TNFRSF10B: variants seen among roughly 807,000 people sequenced by gnomAD.
TNFRSF10B encodes the protein TNF receptor superfamily member 10b, also known as tumor necrosis factor receptor superfamily member 10B.
Under a neutral mutation model 41.4 loss-of-function variants are expected in TNFRSF10B, and 35 were observed. That is an observed-to-expected ratio of 0.85 (90% CI 0.65 to 1.12). TNFRSF10B has a LOEUF of 1.12. TNFRSF10B is among the 50% of genes most tolerant of loss of function. The probability of loss-of-function intolerance (pLI) is 0.00; values close to 1 mark genes in which losing one functional copy is unlikely to be tolerated. For missense variants in TNFRSF10B, 584 were observed against 552.7 expected, an observed-to-expected ratio of 1.06 and a Z score of -0.57; for synonymous variants, 230 against 215.5, an observed-to-expected ratio of 1.07 and a Z score of -0.59.
At chr8:23,023,399 G>A (rs944851669) in intron 8 of TNFRSF10B, among the ~76,000 whole-genome samples, 2 of 152,150 alleles carry the variant, frequency 1.3e-5, no homozygotes, top group African/African-American at 4.8e-5. Context: ...CTGCATCTGT[G>A]GAAAGCACAG....
Position 23,027,173 on chromosome 8 carries a change from C to A in TNFRSF10B, c.896G>T (p.Gly299Val), listed in dbSNP as rs769279062. The change falls in exon 7 of 9, where the codon GGT becomes GTT. Residue 299 changes from glycine to valine, a missense_variant. Transcript: ENST00000276431. ...CTCCCCGGGGGACAACATGTTGACA[C>A]CTGTTGGCTCTGCTGGCTCCTGGAC... ...MEVQEPAEPTGVNMLSPGESE... is the reference protein window; with the variant it reads ...MEVQEPAEPTVVNMLSPGESE... The A allele has an allele frequency of 6.2e-7, 1 of 1,614,214 alleles. No homozygotes were observed.
intron 1 of TNFRSF10B, among the ~76,000 whole-genome samples, chr8:23,051,222 AAAAGG>A (rs750842072): frequency 3.2e-4 from 49 of 152,244 alleles, no homozygotes; most frequent in Non-Finnish European, 6.2e-4. Context: ...AATAACAGAA[AAAAGG>A]AAAGACTAGT....
intron 1 of TNFRSF10B, among the ~76,000 whole-genome samples, chr8:23,050,131 T>A (rs1322502375): frequency 7.2e-5 from 11 of 152,250 alleles, no homozygotes; most frequent in Non-Finnish European, 1.3e-4. Context: ...TGTTTTCCCA[T>A]TTGGGCTGGT....
rs781761014 is a variant in TNFRSF10B at position 23,068,916 on chromosome 8, A to T, written c.-22T>A. The T allele has an allele frequency of 6.2e-7, 1 of 1,613,190 alleles. No homozygotes were observed. The highest frequency in any genetic ancestry group is 2.2e-5 in the East Asian group (1 of 44,874). ...CCATGGCGGTAGGGAACGCTCTTAT[A>T]GTCTCTCAGGCCCGTGGGTTTCAGC... On this transcript the variant is annotated 5_prime_UTR_variant, in exon 1 of 9. Coordinates refer to ENST00000276431, the MANE Select transcript of TNFRSF10B (RefSeq NM_003842.5).
rs765860600 is a variant in TNFRSF10B, at chr8:23,021,330, T to C, written c.*1341A>G. ...GCGGCCAAGGTCCTCAAGTAGGCAA[T>C]CTGTACCCTAAAAGGCAGCTCATGG... On this transcript the variant is annotated 3_prime_UTR_variant, in exon 9 of 9. Coordinates refer to ENST00000276431, the MANE Select transcript of TNFRSF10B (RefSeq NM_003842.5). 3 of 454,098 alleles carry C rather than the reference T, an allele frequency of 6.6e-6. No individual in the cohort carries two copies. The highest frequency in any genetic ancestry group is 4.7e-5 in the South Asian group (3 of 64,474). 28.1% of individuals were successfully genotyped at this position (454,098 alleles called of 1,614,324 possible).
chr8:23,065,315 G>A (rs1385427684), intron 1 of TNFRSF10B, among the ~76,000 whole-genome samples: 1 of 152,234 alleles, frequency 6.6e-6, no homozygotes, highest in Non-Finnish European at 1.5e-5. Context: ...CAGGGGCAGA[G>A]GACCCTGTAG....
At chr8:23,025,426 G>C (rs1187915789) in intron 7 of TNFRSF10B, among the ~76,000 whole-genome samples, 1 of 152,082 alleles carries the variant, frequency 6.6e-6, no homozygotes, top group Non-Finnish European at 1.5e-5. Flanking sequence ...GTGGGCGGGA[G>C]GGGTACTAGA....
intron 1 of TNFRSF10B, among the ~76,000 whole-genome samples, chr8:23,045,055 A>C (rs1812314692): frequency 6.9e-6 from 1 of 144,274 alleles, no homozygotes; most frequent in African/African-American, 2.6e-5. Flanking sequence ...GTCCCTAATA[A>C]AATACAAAAA....
At chr8:23,037,339 C>T (rs1301320605) in intron 2 of TNFRSF10B, among the ~76,000 whole-genome samples, 1 of 152,176 alleles carries the variant, frequency 6.6e-6, no homozygotes, top group African/African-American at 2.4e-5. Context: ...GCAGCAGAGT[C>T]CAACACTGAG....
chr8:23,049,838 C>G (rs1369620506), intron 1 of TNFRSF10B: 1 of 152,264 alleles, frequency 6.6e-6, no homozygotes, highest in Non-Finnish European at 1.5e-5. Flanking sequence ...GCGAGATTCA[C>G]CTGCATCTCA....
chr8:23,056,413 A>AG (rs756809067), intron 1 of TNFRSF10B, among the ~76,000 whole-genome samples: 5 of 152,170 alleles, frequency 3.3e-5, no homozygotes, highest in Non-Finnish European at 7.4e-5. Flanking sequence ...GCATTTTGGG[A>AG]GGCCGAGGCG....
At chr8:23,051,547 CTTTTTT>C (rs57467929) in intron 1 of TNFRSF10B, among the ~76,000 whole-genome samples, 3 of 141,240 alleles carry the variant, frequency 2.1e-5, no homozygotes, top group African/African-American at 8.3e-5. Flanking sequence ...GTAAAATACT[CTTTTTT>C]TTTTTTTTTA....
intron 1 of TNFRSF10B, among the ~76,000 whole-genome samples, chr8:23,055,519 CTT>C (rs1563322083): frequency 1.0e-5 from 1 of 97,958 alleles, no homozygotes; most frequent in African/African-American, 4.0e-5. Context: ...CTATTAAATG[CTT>C]AAAAAAAAAA....
intron 7 of TNFRSF10B, among the ~76,000 whole-genome samples, chr8:23,026,908 G>C (rs1012408587): frequency 1.1e-4 from 16 of 152,122 alleles, no homozygotes; most frequent in Non-Finnish European, 2.2e-4. Context: ...GGAGCTCCAG[G>C]CTCGGGGGAC....
intron 1 of TNFRSF10B, among the ~76,000 whole-genome samples, chr8:23,062,299 C>A (rs1240650826): frequency 6.6e-6 from 1 of 152,158 alleles, no homozygotes; most frequent in Non-Finnish European, 1.5e-5. Flanking sequence ...TGGCTCACTG[C>A]AACCTACATC....
chr8:23,044,941 T>A (rs1176025767), intron 1 of TNFRSF10B, among the ~76,000 whole-genome samples: 1 of 151,242 alleles, frequency 6.6e-6, no homozygotes, highest in Non-Finnish European at 1.5e-5. Flanking sequence ...GGAGGCCAGG[T>A]GCAGTGGCTC....
At chr8:23,026,296 A>T (rs1811700374) in intron 7 of TNFRSF10B, among the ~76,000 whole-genome samples, 1 of 152,134 alleles carries the variant, frequency 6.6e-6, no homozygotes, top group East Asian at 1.9e-4. Context: ...TTTTTTAAAA[A>T]AGAGTGAAGA....
chr8:23,068,782 A>T lies in TNFRSF10B; in HGVS notation c.113T>A (p.Leu38His), dbSNP rs1452869399. 1 of 1,605,290 alleles carries T rather than the reference A, an allele frequency of 6.2e-7. No individual in the cohort carries two copies. Among genetic ancestry groups the T allele is most frequent in the Non-Finnish European group, 8.5e-7 (1 of 1,176,328 alleles). ...ARPGPRVPKT[L>H]VLVVAAVLLL... ...CAGGACCGCGGCGACAACGAGCACA[A>T]GGGTCTTGGGGACCCGGGGCCCAGG... Residue 38 changes from leucine to histidine, a missense_variant, in exon 1 of 9, where the codon CTT becomes CAT. Coordinates refer to ENST00000276431, the MANE Select transcript of TNFRSF10B (RefSeq NM_003842.5).
At chr8:23,043,887 T>C (rs1306770931) in intron 1 of TNFRSF10B, among the ~76,000 whole-genome samples, 1 of 152,224 alleles carries the variant, frequency 6.6e-6, no homozygotes, top group Non-Finnish European at 1.5e-5. Flanking sequence ...GTGTATCCTA[T>C]GACACACCTG....
Sources: allele counts gnomAD v4.1 joint callset (sites outside exome capture counted in the v4.1 genomes callset), GRCh38; gene constraint gnomAD v4.1.1; transcripts MANE v1.5; gene names NCBI Gene and HGNC (gene_info 2026-07-23, HGNC 2026-07-21).